Variants in SP100 observed in about 807,000 individuals in gnomAD.
SP100 encodes SP100 nuclear body protein.
A neutral mutation model predicts 130.0 loss-of-function variants in SP100; 84 were observed. That is an observed-to-expected ratio of 0.65 (90% CI 0.54 to 0.77). The LOEUF (loss-of-function observed/expected upper bound fraction) is 0.77. Among genes scored for constraint, SP100 ranks in the 30% least tolerant of loss-of-function variants. SP100 has a pLI of 0.00. For synonymous variants in SP100, 331 were observed against 351.7 expected (o/e 0.94, Z 0.66); for missense variants, 978 against 1,052.2 (o/e 0.93, Z 0.97).
chr2:230,441,183 T>C (rs1050911125), intron 2 of SP100, among the ~76,000 whole-genome samples: 5 of 152,122 alleles, frequency 3.3e-5, no homozygotes, highest in African/African-American at 9.7e-5. Flanking sequence ...TTACAAAAAA[T>C]AAATTGCCAA....
chr2:230,458,144 T>A (rs2149952847), intron 8 of SP100, among the ~76,000 whole-genome samples: 1 of 152,360 alleles, frequency 6.6e-6, no homozygotes, highest in Admixed American at 6.5e-5. Context: ...GTCAAACATT[T>A]GCACATAACT....
At chr2:230,488,063 T>G (rs568781859) in intron 17 of SP100, among the ~76,000 whole-genome samples, 19 of 152,308 alleles carry the variant, frequency 1.2e-4, no homozygotes, top group African/African-American at 4.6e-4. Context: ...TGACATTCCT[T>G]ATCAATTTAA....
At chr2:230,529,817 C>T (rs78910970) in intron 24 of SP100, among the ~76,000 whole-genome samples, 61,232 of 151,994 alleles carry the variant, frequency 0.4, 13,703 homozygotes, top group South Asian at 0.56. Context: ...CATGAGTGAA[C>T]TCCCATTCAC....
At chr2:230,506,267 C>T in intron 21 of SP100, 36 bp from the exon 22 acceptor site, 4 of 1,608,476 alleles carry the variant, frequency 2.5e-6, no homozygotes, top group South Asian at 1.1e-5. Flanking sequence ...CAGGTGTTTT[C>T]ACAGTTGGGG....
intron 17 of SP100, among the ~76,000 whole-genome samples, chr2:230,490,318 CT>C (rs1484847193): frequency 3.3e-5 from 5 of 152,072 alleles, no homozygotes; most frequent in African/African-American, 1.2e-4. Flanking sequence ...ATTGCAACCT[CT>C]GCTTTTTTTT....
intron 13 of SP100, 161 bp from the exon 14 acceptor site, chr2:230,468,882 G>C (rs2149988800): frequency 4.5e-6 from 2 of 449,216 alleles, no homozygotes; most frequent in East Asian, 3.8e-5. Flanking sequence ...TTGTGGGTCT[G>C]TGCTCCATTT....
chr2:230,541,814 T>C (rs6728423), intron 27 of SP100, 78 bp from the exon 28 acceptor site: 255,557 of 1,483,588 alleles, frequency 0.17, 25,314 homozygotes, highest in African/African-American at 0.43. Context: ...TTGGGGGAAC[T>C]CCACAAACCT....
intron 24 of SP100, chr2:230,538,077 A>C (rs1692015977): frequency 6.6e-6 from 1 of 152,224 alleles, no homozygotes; most frequent in South Asian, 2.1e-4. Flanking sequence ...TATTTAAGAC[A>C]TACTGATGCC....
chr2:230,416,239 C>T lies in SP100; in HGVS notation c.-58C>T. ...GCAGCCACACTGCACGCAGGCTGGG[C>T]CGACTGAGGGGCTCAGAGGCCAGGC... On this transcript the variant is annotated 5_prime_UTR_variant, in exon 1 of 29. Transcript: ENST00000340126. The T allele has an allele frequency of 1.3e-6, 2 of 1,496,284 alleles. No homozygotes were observed. The highest frequency in any genetic ancestry group is 1.9e-6 in the Non-Finnish European group (2 of 1,079,260). 92.7% of individuals were successfully genotyped at this position (1,496,284 alleles called of 1,614,324 possible).
rs1009823862 is a variant in SP100, at chr2:230,499,217, C to T, written c.1720+682C>T. On this transcript the variant is annotated intron_variant, in intron 19 of 28. Coordinates refer to ENST00000340126, the MANE Select transcript of SP100 (RefSeq NM_001080391.2). Reference sequence around the variant, plus strand: ...TACTAAATCAGCTCTTCAGTCCCCACCTCCACCACATAGAGGCTCTAAAAT... The same window carrying T: ...TACTAAATCAGCTCTTCAGTCCCCATCTCCACCACATAGAGGCTCTAAAAT... Among the ~76,000 whole-genome samples the T allele has an allele frequency of 5.9e-5, 9 of 151,814 alleles. No individual in the cohort carries two copies. In the South Asian group the frequency reaches 1.9e-3, roughly 32 times the overall value.
chr2:230,542,861 T>C lies in SP100; in HGVS notation c.2573T>C (p.Ile858Thr). The C allele has an allele frequency of 1.2e-6, 2 of 1,611,524 alleles. No homozygotes were observed. Among genetic ancestry groups the C allele is most frequent in the African/African-American group, 1.3e-5 (1 of 75,024 alleles). ...GAAGATAAATTCACCAGACTGGGAATTCAAGTACAGGACATCTTTGAGAAG... is the reference window on the plus strand; with the variant it reads ...GAAGATAAATTCACCAGACTGGGAACTCAAGTACAGGACATCTTTGAGAAG... Reference protein sequence around the residue: ...YREDKFTRLGIQVQDIFEKNF... With the variant: ...YREDKFTRLGTQVQDIFEKNF... Residue 858 changes from isoleucine (I) to threonine (T), a missense_variant, in exon 29 of 29, where the codon ATT becomes ACT. Coordinates refer to ENST00000340126, the MANE Select transcript of SP100 (RefSeq NM_001080391.2).
intron 24 of SP100, among the ~76,000 whole-genome samples, chr2:230,529,637 T>C (rs186799821): frequency 5.9e-4 from 90 of 152,332 alleles, no homozygotes; most frequent in African/African-American, 2.0e-3. Context: ...GGAAGTCAAA[T>C]TGTCTCTGTT....
chr2:230,521,922 T>C (rs1324019759), intron 24 of SP100, among the ~76,000 whole-genome samples: 1 of 152,200 alleles, frequency 6.6e-6, no homozygotes, highest in Non-Finnish European at 1.5e-5. Flanking sequence ...CAAGATCTGC[T>C]CTTCTCTATT....
chr2:230,475,243 G>A (rs947103270), intron 17 of SP100, among the ~76,000 whole-genome samples: 4 of 152,156 alleles, frequency 2.6e-5, no homozygotes, highest in African/African-American at 9.7e-5. Flanking sequence ...TGAGTAGTGT[G>A]AGATGGTATC....
At chr2:230,430,304 C>T (rs1020410846) in intron 2 of SP100, among the ~76,000 whole-genome samples, 24 of 152,194 alleles carry the variant, frequency 1.6e-4, no homozygotes, top group Admixed American at 3.9e-4. Context: ...TGTTGGGCAG[C>T]GGCTAACGGC....
chr2:230,444,105 A>C, intron 3 of SP100, 73 bp from the exon 4 acceptor site: 2 of 1,107,802 alleles, frequency 1.8e-6, no homozygotes, highest in Non-Finnish European at 2.6e-6. Context: ...CAGTAACCAT[A>C]GAATTCCTTT....
intron 2 of SP100, among the ~76,000 whole-genome samples, chr2:230,439,943 A>G (rs2149895356): frequency 1.3e-5 from 2 of 152,200 alleles, no homozygotes; most frequent in Admixed American, 1.3e-4. Flanking sequence ...TCAGTGTTAC[A>G]TAAGGTTTTA....
At chr2:230,466,162 G>C (rs1410704872) in intron 11 of SP100, 139 bp from the exon 12 acceptor site, 2 of 489,400 alleles carry the variant, frequency 4.1e-6, no homozygotes, top group Non-Finnish European at 7.0e-6. Context: ...TCCAGCCTGG[G>C]TGATAGAACA....
intron 2 of SP100, among the ~76,000 whole-genome samples, chr2:230,427,694 T>C (rs2062975764): frequency 6.6e-6 from 1 of 152,174 alleles, no homozygotes; most frequent in Non-Finnish European, 1.5e-5. Context: ...TATACTTTGA[T>C]TCCTTTCTCT....
Sources: allele counts gnomAD v4.1 joint callset (sites outside exome capture counted in the v4.1 genomes callset), GRCh38; gene constraint gnomAD v4.1.1; transcripts MANE v1.5; gene names NCBI Gene and HGNC (gene_info 2026-07-23, HGNC 2026-07-21).